CNIH3: variants seen among roughly 807,000 people sequenced by gnomAD.
CNIH3 encodes protein cornichon homolog 3.
In CNIH3, 14 loss-of-function variants were observed where a neutral mutation model predicts 24.1. The ratio of observed to expected loss-of-function variants is 0.58; its 90% CI spans 0.38 to 0.91. The LOEUF (loss-of-function observed/expected upper bound fraction) is 0.91, where lower values mean the gene tolerates loss of function less well. Ranked by LOEUF, CNIH3 falls within the 40% of genes least tolerant of loss-of-function variation. CNIH3 has a pLI of 0.00. For missense variants in CNIH3, 178 were observed against 196.8 expected (o/e 0.90, Z 0.57); for synonymous variants, 68 against 73.8 (o/e 0.92, Z 0.40).
At chr1:224,669,818 T>C (rs1219161836) in intron 1 of CNIH3, among the ~76,000 whole-genome samples, 1 of 152,188 alleles carries the variant, frequency 6.6e-6, no homozygotes, top group Non-Finnish European at 1.5e-5. Flanking sequence ...ACACCGAGGC[T>C]TGGAGGGGGT....
intron 4 of CNIH3, among the ~76,000 whole-genome samples, chr1:224,568,849 G>A (rs889855993): frequency 6.6e-6 from 1 of 152,070 alleles, no homozygotes; most frequent in African/African-American, 2.4e-5. Context: ...CTCAGATGTA[G>A]CTATTCTCCT....
At chr1:224,607,898 G>A (rs981076970) in intron 3 of CNIH3, among the ~76,000 whole-genome samples, 2 of 152,142 alleles carry the variant, frequency 1.3e-5, no homozygotes, top group African/African-American at 4.8e-5. Flanking sequence ...CTGGGCCTGA[G>A]ATTTTATTTT....
At chr1:224,471,192 C>T (rs932831427) in intron 1 of CNIH3, among the ~76,000 whole-genome samples, 2 of 152,064 alleles carry the variant, frequency 1.3e-5, no homozygotes, top group African/African-American at 4.8e-5. Flanking sequence ...GCATACGCCA[C>T]CACATCCAGC....
At chr1:224,584,383 A>T (rs1354602916) in intron 5 of CNIH3, among the ~76,000 whole-genome samples, 1 of 152,262 alleles carries the variant, frequency 6.6e-6, no homozygotes, top group African/African-American at 2.4e-5. Flanking sequence ...TATTTAGGAC[A>T]GCAAGGCACT....
chr1:224,456,139 C>A (rs1170729874), intron 1 of CNIH3, among the ~76,000 whole-genome samples: 1 of 152,200 alleles, frequency 6.6e-6, no homozygotes, highest in Non-Finnish European at 1.5e-5. Flanking sequence ...GAAGTCACAT[C>A]TCAAGTAGGA....
At chr1:224,669,067 C>T (rs1333854683) in intron 1 of CNIH3, among the ~76,000 whole-genome samples, 1 of 152,186 alleles carries the variant, frequency 6.6e-6, no homozygotes, top group Non-Finnish European at 1.5e-5. Context: ...AAAGGGCCTT[C>T]TCATTCCCTT....
chr1:224,513,805 TCACA>T (rs1678268123), upstream of CNIH3: 1 of 152,248 alleles, frequency 6.6e-6, no homozygotes, highest in Non-Finnish European at 1.5e-5. Context: ...GACTGCGCAC[TCACA>T]CGACCATTGA....
chr1:224,520,052 C>T (rs1325911232), intron 1 of CNIH3, among the ~76,000 whole-genome samples: 2 of 152,090 alleles, frequency 1.3e-5, no homozygotes, highest in East Asian at 1.9e-4. Flanking sequence ...AACAGCAAAC[C>T]TTTCTCCCAG....
chr1:224,558,896 T>C (rs1680251221), intron 3 of CNIH3, among the ~76,000 whole-genome samples: 1 of 152,220 alleles, frequency 6.6e-6, no homozygotes, highest in South Asian at 2.1e-4. Flanking sequence ...GTCAGTTAAT[T>C]ATATTGCTGT....
intron 3 of CNIH3, among the ~76,000 whole-genome samples, chr1:224,730,092 C>T (rs1036881901): frequency 2.6e-5 from 4 of 152,086 alleles, no homozygotes; most frequent in Admixed American, 2.6e-4. Flanking sequence ...CATTAGAAAC[C>T]CTTGCAGTAT....
downstream of CNIH3, among the ~76,000 whole-genome samples, chr1:224,540,242 C>A (rs1378739793): frequency 1.3e-5 from 2 of 152,200 alleles, no homozygotes; most frequent in African/African-American, 4.8e-5. Context: ...ATGGCCCTGA[C>A]TTGAAATTTC....
intron 3 of CNIH3, among the ~76,000 whole-genome samples, chr1:224,698,251 G>C (rs1367415516): frequency 6.6e-6 from 1 of 152,186 alleles, no homozygotes; most frequent in African/African-American, 2.4e-5. Context: ...TTATTATAAA[G>C]GGACAGAAAA....
At chr1:224,694,997 A>C (rs1236596065) in intron 3 of CNIH3, among the ~76,000 whole-genome samples, 1 of 151,876 alleles carries the variant, frequency 6.6e-6, no homozygotes, top group Admixed American at 6.5e-5. Flanking sequence ...TACACTGCTC[A>C]GGTGATGGGT....
At chr1:224,464,876 G>C (rs1286006581) in intron 1 of CNIH3, among the ~76,000 whole-genome samples, 1 of 151,840 alleles carries the variant, frequency 6.6e-6, no homozygotes, top group Non-Finnish European at 1.5e-5. Context: ...GCTCACTGCA[G>C]TCATTAATTC....
At chr1:224,582,413 C>T (rs1283291415) in intron 4 of CNIH3, among the ~76,000 whole-genome samples, 1 of 151,896 alleles carries the variant, frequency 6.6e-6, no homozygotes, top group Non-Finnish European at 1.5e-5. Context: ...TAGAAAAGAA[C>T]AGAGCACGGT....
At chr1:224,585,127 C>G (rs929037259) in intron 5 of CNIH3, among the ~76,000 whole-genome samples, 2 of 152,192 alleles carry the variant, frequency 1.3e-5, no homozygotes, top group African/African-American at 4.8e-5. Context: ...ACTTACTTTT[C>G]CTTACCATTC....
At chr1:224,464,240 G>A (rs1026083509) in intron 1 of CNIH3, among the ~76,000 whole-genome samples, 1 of 151,872 alleles carries the variant, frequency 6.6e-6, no homozygotes. Context: ...TTTCTCCAGT[G>A]TTTTCTTCTA....
At position 224,684,876 on chromosome 1, in the gene CNIH3, G is replaced by T. The variant is rs948341725; in HGVS notation, c.198+33G>T. The stretch of plus-strand genomic sequence containing the variant: ...TGGCAGCTTCATGCCGAGGATGGAG[G>T]ATCGCATGGTGGTGGGTGGGCACAC... On this transcript the variant is annotated intron_variant, in intron 3 of 5. Coordinates refer to ENST00000272133, the MANE Select transcript of CNIH3 (RefSeq NM_152495.2). This position sits in a 1 kb window ranked among gnomAD's most constrained non-coding sequence, Gnocchi z 4.2. 3.7e-6 allele frequency: 6 copies of T among 1,604,614 alleles called. No homozygotes were observed. The highest frequency in any genetic ancestry group is 1.3e-5 in the African/African-American group (1 of 74,686).
At chr1:224,484,322 G>C (rs1676943132) in intron 1 of CNIH3, among the ~76,000 whole-genome samples, 1 of 151,870 alleles carries the variant, frequency 6.6e-6, no homozygotes, top group Admixed American at 6.6e-5. Context: ...CCCAGCTACT[G>C]GGGCGGCTGA....
Sources: gnomAD v4.1 joint callset for allele counts (sites outside exome capture counted in the v4.1 genomes callset) on GRCh38, gnomAD v4.1.1 for gene constraint, Gnocchi (gnomAD v3.1) non-coding constraint, MANE v1.5 for transcripts, NCBI Gene and HGNC (gene_info 2026-07-23, HGNC 2026-07-21) for gene names.